The following ZNF3 variants were observed in gnomAD, a reference collection of about 807,000 sequenced individuals.
ZNF3 encodes C2-H2 type zinc finger protein.
Under a neutral mutation model 36.9 loss-of-function variants are expected in ZNF3, and 16 were observed. That is an observed-to-expected ratio of 0.43 (90% confidence interval 0.29 to 0.66). ZNF3 has a LOEUF of 0.66. Ranked by LOEUF, ZNF3 falls within the 30% of genes least tolerant of loss-of-function variation. The pLI, the probability that ZNF3 is intolerant of heterozygous loss-of-function variation, is 0.13. For synonymous variants in ZNF3, 201 were observed against 201.9 expected (o/e 1.00, Z 0.04); for missense variants, 462 against 543.1 (o/e 0.85, Z 1.48).
At chr7:100,064,536 T>C (rs1792535654) in exon 6 of ZNF3, 1 of 1,614,066 alleles carries the variant, frequency 6.2e-7, no homozygotes, top group African/African-American at 1.3e-5. Context: ...ACTGGTGTCA[T>C]CACTGTGGAA....
At chr7:100,080,900 T>C (rs1414157463) in intron 1 of ZNF3, among the ~76,000 whole-genome samples, 4 of 152,264 alleles carry the variant, frequency 2.6e-5, no homozygotes, top group South Asian at 2.1e-4. Flanking sequence ...ATGCCCACTC[T>C]CCACAGATGT....
At position 100,081,043 on chromosome 7, in the gene ZNF3, T is replaced by G. The variant is rs1794924040; in HGVS notation, c.-198+592A>C. ...ACACCGATGTGGATTCAATCCCACT[T>G]CCGGAGAGAGGATCAAACCAGGAAT... On this transcript the variant is annotated intron_variant, in intron 1 of 5. Transcript: ENST00000299667. The surrounding 1 kb of genome is among the most constrained non-coding windows in gnomAD (Gnocchi z 4.3). 6.6e-6 allele frequency among the ~76,000 whole-genome samples: 1 copy of G among 152,136 alleles called. No homozygotes were observed. The highest frequency in any genetic ancestry group is 2.1e-4 in the South Asian group (1 of 4,834).
chr7:100,075,365 A>G, intron 4 of ZNF3, 104 bp from the exon 5 acceptor site: 1 of 1,592,874 alleles, frequency 6.3e-7, no homozygotes, highest in Non-Finnish European at 8.6e-7. Context: ...TTGGGAAGGG[A>G]GGAAGGGAGG....
At chr7:100,066,401 T>A (rs1190169489), downstream of ZNF3, among the ~76,000 whole-genome samples, 1 of 149,926 alleles carries the variant, frequency 6.7e-6, no homozygotes, top group Non-Finnish European at 1.5e-5. Flanking sequence ...CATAGTGAGA[T>A]CCCATCTCTC....
intron 5 of ZNF3, among the ~76,000 whole-genome samples, chr7:100,072,787 G>A (rs1490817458): frequency 6.6e-6 from 1 of 152,184 alleles, no homozygotes; most frequent in Non-Finnish European, 1.5e-5. Flanking sequence ...TGGGCCCTAT[G>A]CATAAAAGGC....
chr7:100,076,658 G>A lies in ZNF3; in HGVS notation c.55+645C>T, dbSNP rs192266903. 1.6e-4 allele frequency among the ~76,000 whole-genome samples: 25 copies of A among 152,144 alleles called. No individual in the cohort carries two copies. The East Asian group carries it at 4.4e-3, about 27-fold the overall frequency. On this transcript the variant is annotated intron_variant, in intron 3 of 5. Transcript: ENST00000299667. ...TGTCTATGACCCATAAAATGATTCC[G>A]AAGCGCCTCCTCTAAAAGCATGCTC... is the stretch of plus-strand genomic sequence containing the variant.
Position 100,081,540 on chromosome 7 carries a change from G to A in ZNF3, c.-198+95C>T, listed in dbSNP as rs1794997951. The A allele has an allele frequency of 6.6e-6, 1 of 152,442 alleles. No homozygotes were observed. The highest frequency in any genetic ancestry group is 2.4e-5 in the African/African-American group (1 of 41,454). The allele number at this position is 152,442 out of a possible 1,614,324, so 9.4% of individuals were successfully genotyped here. Reference sequence around the variant, plus strand: ...CCGAACCCTGCTCCGGGCCGGCCGGGGGACCCTGCGGGCCGCAGTGGCACA... The same window carrying A: ...CCGAACCCTGCTCCGGGCCGGCCGGAGGACCCTGCGGGCCGCAGTGGCACA... On this transcript the variant is annotated intron_variant, in intron 1 of 5. Transcript: ENST00000299667. This position sits in a 1 kb window ranked among gnomAD's most constrained non-coding sequence, Gnocchi z 4.3.
At chr7:100,076,886 C>T (rs926196870) in intron 3 of ZNF3, 2 of 179,064 alleles carry the variant, frequency 1.1e-5, no homozygotes, top group Admixed American at 5.5e-5. Flanking sequence ...TTAAGACCAG[C>T]CTGACCAACA....
intron 5 of ZNF3, chr7:100,064,956 T>A (rs776839322): frequency 6.2e-7 from 1 of 1,605,454 alleles, no homozygotes; most frequent in Non-Finnish European, 8.5e-7. Context: ...TTTTAACATA[T>A]ATTCAAGAAT....
At chr7:100,076,249 G>T (rs1794089926) in intron 3 of ZNF3, among the ~76,000 whole-genome samples, 1 of 151,630 alleles carries the variant, frequency 6.6e-6, no homozygotes, top group South Asian at 2.1e-4. Context: ...CACTAAAAAT[G>T]TTCCCTGTTT....
chr7:100,064,368 C>T (rs772024083), exon 6 of ZNF3: 32 of 1,614,030 alleles, frequency 2.0e-5, no homozygotes, highest in Middle Eastern at 3.3e-4. Context: ...ATCAGTGTAA[C>T]GAATGTGGGA....
chr7:100,064,095 T>C, exon 6 of ZNF3: 1 of 1,614,126 alleles, frequency 6.2e-7, no homozygotes, highest in Admixed American at 1.7e-5. Flanking sequence ...GAACACACAC[T>C]GGGGAGAAAC....
exon 6 of ZNF3, chr7:100,064,334 G>A (rs375199673): frequency 3.5e-5 from 56 of 1,613,532 alleles, no homozygotes; most frequent in African/African-American, 8.0e-5. Context: ...CGTCACTATC[G>A]GATCCACACT....
rs1794934203 is a variant in ZNF3, at chr7:100,081,117, C to G, written c.-198+518G>C. ...TGAGCCAGGTGTATCACGCGATGCA[C>G]TGGGCTCCAGCAGGATTACCCCTGG... On this transcript the variant is annotated intron_variant, in intron 1 of 5. Coordinates refer to ENST00000299667, the MANE Select transcript of ZNF3 (RefSeq NM_032924.5). This position sits in a 1 kb window ranked among gnomAD's most constrained non-coding sequence, Gnocchi z 4.3. 6.6e-6 allele frequency among the ~76,000 whole-genome samples: 1 copy of G among 152,156 alleles called. No homozygotes were observed. Among genetic ancestry groups the G allele is most frequent in the African/African-American group, 2.4e-5 (1 of 41,438 alleles).
chr7:100,071,011 C>A lies in ZNF3; in HGVS notation c.*132G>T. ...ATTTCTGGGAAAATTCAACGATTTG[C>A]CCCATCTGCCCCATTCTCTAAAATG... is the stretch of plus-strand genomic sequence containing the variant. On this transcript the variant is annotated 3_prime_UTR_variant, in exon 6 of 6. Coordinates refer to ENST00000299667, the MANE Select transcript of ZNF3 (RefSeq NM_032924.5). 2 of 1,471,164 alleles carry A rather than the reference C, an allele frequency of 1.4e-6. No individual in the cohort carries two copies. Among genetic ancestry groups the A allele is most frequent in the Non-Finnish European group, 1.8e-6 (2 of 1,115,488 alleles). 91.1% of individuals were successfully genotyped at this position (1,471,164 alleles called of 1,614,324 possible).
At position 100,071,543 on chromosome 7, in the gene ZNF3, C is replaced by G; in HGVS notation, c.941G>C (p.Cys314Ser). ...RIHTGEKPYA[C>S]NECGKAFSRS... ...GCTGAAGGCCTTCCCACATTCATTGCAGGCGTAGGGTTTCTCACCAGTGTG... is the reference window on the plus strand; with the variant it reads ...GCTGAAGGCCTTCCCACATTCATTGGAGGCGTAGGGTTTCTCACCAGTGTG... Residue 314 changes from cysteine (C) to serine (S), a missense_variant, in exon 6 of 6, where the codon TGC becomes TCC. Coordinates refer to ENST00000299667, the MANE Select transcript of ZNF3 (RefSeq NM_032924.5). 1 of 1,613,992 alleles carries G rather than the reference C, an allele frequency of 6.2e-7. No homozygotes were observed. The highest frequency in any genetic ancestry group is 8.5e-7 in the Non-Finnish European group (1 of 1,179,994).
rs1433086821 is a variant in ZNF3, at chr7:100,081,333, AAG to A, written c.-198+300_-198+301del. Among the ~76,000 whole-genome samples, 3 of 152,244 alleles carry A rather than the reference AAG, an allele frequency of 2.0e-5. No homozygotes were observed. Among genetic ancestry groups the A allele is most frequent in the Non-Finnish European group, 2.9e-5 (2 of 68,034 alleles). ...AGGGTCGCTGTCATTAGCTGCTTTC[AAG>A]AGAGAGGCGCCCCTACCGCTCTGCT... On this transcript the variant is annotated intron_variant, in intron 1 of 5. Coordinates refer to ENST00000299667, the MANE Select transcript of ZNF3 (RefSeq NM_032924.5). The surrounding 1 kb of genome is among the most constrained non-coding windows in gnomAD (Gnocchi z 4.3).
At chr7:100,073,745 G>T (rs1793599909) in intron 5 of ZNF3, among the ~76,000 whole-genome samples, 1 of 152,152 alleles carries the variant, frequency 6.6e-6, no homozygotes, top group South Asian at 2.1e-4. Context: ...GGGGAGCAGA[G>T]AAGCAGAGAA....
Position 100,070,794 on chromosome 7 carries a change from C to G in ZNF3, c.*349G>C, listed in dbSNP as rs371725868. ...TCCACTGCTGTCTGTGCTGACTACG[C>G]GGACTCCAACTAAAGGAATCCATCG... On this transcript the variant is annotated 3_prime_UTR_variant, in exon 6 of 6. Coordinates refer to ENST00000299667, the MANE Select transcript of ZNF3 (RefSeq NM_032924.5). 1 of 1,064,832 alleles carries G rather than the reference C, an allele frequency of 9.4e-7. No homozygotes were observed. The highest frequency in any genetic ancestry group is 1.7e-5 in the African/African-American group (1 of 59,898). 66.0% of individuals were successfully genotyped at this position (1,064,832 alleles called of 1,614,324 possible). A position where few individuals can be genotyped will look rare whatever the true frequency, so the allele number is the denominator to read the frequency against.
Sources: gnomAD v4.1 joint callset for allele counts (sites outside exome capture counted in the v4.1 genomes callset) on GRCh38, gnomAD v4.1.1 for gene constraint, Gnocchi (gnomAD v3.1) non-coding constraint, MANE v1.5 for transcripts, NCBI Gene and HGNC (gene_info 2026-07-23, HGNC 2026-07-21) for gene names.